The following ZNF474 variants were observed in gnomAD, a reference collection of about 807,000 sequenced individuals.
ZNF474 encodes the protein 4933409D10Rik.
For synonymous variants in ZNF474, 192 were observed against 162.2 expected (o/e 1.18, Z -1.39); for missense variants, 511 against 433.8 (o/e 1.18, Z -1.58).
intron 1 of ZNF474, among the ~76,000 whole-genome samples, chr5:122,145,409 G>A (rs1187269066): frequency 1.3e-5 from 2 of 152,156 alleles, no homozygotes; most frequent in Non-Finnish European, 2.9e-5. Context: ...ACCAGACGCT[G>A]CCTAGAAAAG....
chr5:122,142,979 G>A (rs542952257), intron 1 of ZNF474, among the ~76,000 whole-genome samples: 11 of 152,232 alleles, frequency 7.2e-5, no homozygotes, highest in African/African-American at 2.4e-4. Context: ...TTCCTTCCCA[G>A]GCATTTTCCT....
In ZNF474 at chr5:122,152,622, C is replaced by T; in HGVS notation, c.632C>T (p.Ala211Val). The change falls in exon 2 of 2, where the codon GCT becomes GTT. Residue 211 changes from alanine to valine, a missense_variant. By Grantham distance (64) the Ala-to-Val change is moderately conservative. Coordinates refer to ENST00000296600, the MANE Select transcript of ZNF474 (RefSeq NM_207317.3). ...SSDHLTGLKK[A>V]CSGTPARPRT... The stretch of plus-strand genomic sequence containing the variant: ...GATCATCTTACTGGCCTCAAGAAAG[C>T]TTGTAGTGGAACCCCAGCCCGACCA... 6.2e-7 allele frequency: 1 copy of T among 1,614,190 alleles called. No homozygotes were observed. Among genetic ancestry groups the T allele is most frequent in the Non-Finnish European group, 8.5e-7 (1 of 1,180,032 alleles).
intron 1 of ZNF474, among the ~76,000 whole-genome samples, chr5:122,131,506 A>T (rs999966047): frequency 1.3e-5 from 2 of 152,152 alleles, no homozygotes; most frequent in Non-Finnish European, 2.9e-5. Flanking sequence ...GCTATTTTCA[A>T]CAACATGGGT....
At chr5:122,139,289 C>T (rs1755778208) in intron 1 of ZNF474, among the ~76,000 whole-genome samples, 1 of 152,054 alleles carries the variant, frequency 6.6e-6, no homozygotes, top group East Asian at 1.9e-4. Context: ...ACAGAGATTC[C>T]CAGAAGTAGC....
intron 1 of ZNF474, among the ~76,000 whole-genome samples, chr5:122,145,011 T>TG (rs1755950616): frequency 6.6e-6 from 1 of 152,216 alleles, no homozygotes. Context: ...AAAATGCCTT[T>TG]GGCAGAGGGC....
intron 1 of ZNF474, among the ~76,000 whole-genome samples, chr5:122,148,524 C>T (rs1163646926): frequency 6.6e-6 from 1 of 152,166 alleles, no homozygotes; most frequent in Non-Finnish European, 1.5e-5. Flanking sequence ...TTGGGGCAGC[C>T]TTCACTTTTA....
At chr5:122,144,890 C>T (rs1401816636) in intron 1 of ZNF474, among the ~76,000 whole-genome samples, 1 of 152,146 alleles carries the variant, frequency 6.6e-6, no homozygotes, top group African/African-American at 2.4e-5. Context: ...ACCTGTGTGG[C>T]ATTCATGACT....
intron 1 of ZNF474, among the ~76,000 whole-genome samples, chr5:122,145,288 T>G (rs998598516): frequency 1.2e-4 from 18 of 152,194 alleles, no homozygotes; most frequent in African/African-American, 3.6e-4. Flanking sequence ...CTTTTTACCT[T>G]TCAAATGCTG....
At position 122,152,886 on chromosome 5, in the gene ZNF474, T is replaced by G; in HGVS notation, c.896T>G (p.Leu299Arg). 6.2e-7 allele frequency: 1 copy of G among 1,614,142 alleles called. No individual in the cohort carries two copies. The highest frequency in any genetic ancestry group is 8.5e-7 in the Non-Finnish European group (1 of 1,180,038). Residue 299 changes from leucine to arginine, a missense_variant, in exon 2 of 2, where the codon CTC (leucine) becomes CGC (arginine). Transcript: ENST00000296600. ...AGCCGAATCTTTACCTCAGACCGCCTCCTGGTACACCAGAGAAGTTGTAAA... is the reference window on the plus strand; with the variant it reads ...AGCCGAATCTTTACCTCAGACCGCCGCCTGGTACACCAGAGAAGTTGTAAA... ...HCSRIFTSDR[L>R]LVHQRSCKTH...
chr5:122,149,078 T>G (rs1756092803), intron 1 of ZNF474, among the ~76,000 whole-genome samples: 1 of 152,100 alleles, frequency 6.6e-6, no homozygotes, highest in Non-Finnish European at 1.5e-5. Context: ...ATACCACACG[T>G]TCTCACTTAT....
intron 1 of ZNF474, among the ~76,000 whole-genome samples, chr5:122,131,930 T>C (rs1755587664): frequency 6.6e-6 from 1 of 152,108 alleles, no homozygotes; most frequent in Non-Finnish European, 1.5e-5. Flanking sequence ...TGACAAATGA[T>C]TATATCCATG....
intron 1 of ZNF474, among the ~76,000 whole-genome samples, chr5:122,150,360 C>A (rs1756133247): frequency 6.6e-6 from 1 of 152,188 alleles, no homozygotes; most frequent in African/African-American, 2.4e-5. Flanking sequence ...CTGTGCCAGA[C>A]CTGATTTGAT....
chr5:122,150,714 A>G (rs955801363), intron 1 of ZNF474, among the ~76,000 whole-genome samples: 3 of 152,216 alleles, frequency 2.0e-5, no homozygotes, highest in Admixed American at 1.3e-4. Context: ...AACTTTTCCC[A>G]ATATACAAAT....
intron 1 of ZNF474, among the ~76,000 whole-genome samples, chr5:122,143,819 G>A (rs1163885669): frequency 6.6e-6 from 1 of 152,060 alleles, no homozygotes; most frequent in African/African-American, 2.4e-5. Context: ...ATCCTCATCT[G>A]GGGAGTCATT....
intron 1 of ZNF474, among the ~76,000 whole-genome samples, chr5:122,140,956 C>G (rs570508512): frequency 9.2e-5 from 14 of 152,098 alleles, no homozygotes; most frequent in Non-Finnish European, 2.1e-4. Flanking sequence ...CCATGAGCTA[C>G]TGATGCCAAG....
intron 1 of ZNF474, among the ~76,000 whole-genome samples, chr5:122,141,215 A>C (rs947194783): frequency 6.8e-6 from 1 of 146,574 alleles, no homozygotes; most frequent in African/African-American, 2.6e-5. Context: ...CTGTGGCGCG[A>C]TCTCAGCTCA....
intron 1 of ZNF474, among the ~76,000 whole-genome samples, chr5:122,140,490 A>G (rs967905340): frequency 3.9e-5 from 6 of 152,248 alleles, no homozygotes; most frequent in Non-Finnish European, 8.8e-5. Flanking sequence ...ACAATAAAAA[A>G]TACAATTATA....
rs1053852010 is a variant in ZNF474, at chr5:122,153,143, A to G, written c.*58A>G. ...CACCTCAGCCCCTAGTATTTTTTCT[A>G]TCAATGCCTTGTATCAGCCTCAAAG... On this transcript the variant is annotated 3_prime_UTR_variant, in exon 2 of 2. Transcript: ENST00000296600. The G allele has an allele frequency of 2.5e-5, 38 of 1,542,262 alleles. No individual in the cohort carries two copies. Among genetic ancestry groups the G allele is most frequent in the Non-Finnish European group, 2.9e-5 (33 of 1,148,016 alleles).
intron 1 of ZNF474, among the ~76,000 whole-genome samples, chr5:122,141,144 T>TTTGAAAC (rs1561439503): frequency 1.9e-4 from 26 of 140,270 alleles, no homozygotes; most frequent in Non-Finnish European, 2.5e-4. Context: ...TATTTTATTT[T>TTTGAAAC]ATTTTATTTT....
Sources: allele counts gnomAD v4.1 joint callset (sites outside exome capture counted in the v4.1 genomes callset), GRCh38; gene constraint gnomAD v4.1.1; transcripts MANE v1.5; gene names NCBI Gene and HGNC (gene_info 2026-07-23, HGNC 2026-07-21).